The following ZSWIM5 variants were observed in gnomAD, a reference collection of about 807,000 sequenced individuals.
The protein encoded by ZSWIM5 is zinc finger SWIM domain-containing protein 5.
Under a neutral mutation model 119.6 loss-of-function variants are expected in ZSWIM5, and 55 were observed. The observed-to-expected ratio is 0.46, with a 90% CI of 0.37 to 0.58. The LOEUF (loss-of-function observed/expected upper bound fraction) is 0.58. Among genes scored for constraint, ZSWIM5 ranks in the 20% least tolerant of loss-of-function variants. ZSWIM5 has a pLI of 0.00. For synonymous variants in ZSWIM5, 537 were observed against 606.9 expected, an observed-to-expected ratio of 0.88 and a Z score of 1.69; for missense variants, 1,193 against 1,512.8, an observed-to-expected ratio of 0.79 and a Z score of 3.51.
chr1:45,078,659 G>A (rs1645269953), intron 2 of ZSWIM5, among the ~76,000 whole-genome samples: 1 of 152,150 alleles, frequency 6.6e-6, no homozygotes, highest in African/African-American at 2.4e-5. Context: ...CCCAAGGTTT[G>A]CTGTAACCAC....
chr1:45,019,046 T>G lies in ZSWIM5; in HGVS notation c.2966A>C (p.Asp989Ala), dbSNP rs773217578. Residue 989 changes from aspartate (D) to alanine (A), a missense_variant, in exon 14 of 14, where the codon GAT (aspartate) becomes GCT (alanine). Physicochemically the swap from Asp to Ala is moderately radical, Grantham distance 126. Transcript: ENST00000359600. This position sits in a 1 kb window ranked among gnomAD's most constrained non-coding sequence, Gnocchi z 5.0. ...AFEAAYQIAI[D>A]AAAGGMTHSQ... ...ATGGGTCATACCACCAGCAGCAGCA[T>G]CAATGGCAATCTGGTAGGCTGCCTC... 2 of 1,614,210 alleles carry G rather than the reference T, an allele frequency of 1.2e-6. No homozygotes were observed. Among genetic ancestry groups the G allele is most frequent in the Non-Finnish European group, 1.7e-6 (2 of 1,180,032 alleles).
At chr1:45,107,483 T>A (rs1645488450) in intron 1 of ZSWIM5, among the ~76,000 whole-genome samples, 1 of 150,760 alleles carries the variant, frequency 6.6e-6, no homozygotes, top group Admixed American at 6.6e-5. Context: ...CTAAAAAAAA[T>A]ACAAAAAAAT....
chr1:45,122,105 TAGTTTTAAATAATATC>T (rs1557772565), intron 1 of ZSWIM5, among the ~76,000 whole-genome samples: 3 of 152,214 alleles, frequency 2.0e-5, no homozygotes, highest in Non-Finnish European at 4.4e-5. Flanking sequence ...ACTTATTTAA[TAGTTTTAAATAATATC>T]AGTATATTGA....
rs562128362 is a variant in ZSWIM5, at chr1:45,165,058, A to G, written c.595+40698T>C. ...ACACTTATTCCAAAATTGACCACATAGTTGGAAGTAAAGCACTCCTCAGCA... is the reference window on the plus strand; with the variant it reads ...ACACTTATTCCAAAATTGACCACATGGTTGGAAGTAAAGCACTCCTCAGCA... On this transcript the variant is annotated intron_variant, in intron 1 of 13. Transcript: ENST00000359600. Among the ~76,000 whole-genome samples, 400 of 152,266 alleles carry G rather than the reference A, an allele frequency of 2.6e-3. 4 individuals carry two copies. The highest frequency in any genetic ancestry group is 9.2e-3 in the African/African-American group (382 of 41,570).
intron 2 of ZSWIM5, among the ~76,000 whole-genome samples, chr1:45,080,244 T>A (rs1243797470): frequency 6.6e-6 from 1 of 152,204 alleles, no homozygotes; most frequent in Admixed American, 6.5e-5. Flanking sequence ...CTTTCGAGTT[T>A]ATTTAAGGCC....
At chr1:45,109,191 C>A (rs971238450) in intron 1 of ZSWIM5, among the ~76,000 whole-genome samples, 1 of 152,168 alleles carries the variant, frequency 6.6e-6, no homozygotes, top group Non-Finnish European at 1.5e-5. Flanking sequence ...TCTACAGTAA[C>A]CTGATTCCAT....
chr1:45,116,284 G>C (rs1645557670), intron 1 of ZSWIM5, among the ~76,000 whole-genome samples: 1 of 152,148 alleles, frequency 6.6e-6, no homozygotes, highest in Non-Finnish European at 1.5e-5. Context: ...CAATTCCCCA[G>C]ACTTTTCTCC....
chr1:45,104,886 T>C (rs1202071059), intron 1 of ZSWIM5, among the ~76,000 whole-genome samples: 1 of 152,182 alleles, frequency 6.6e-6, no homozygotes, highest in Non-Finnish European at 1.5e-5. Flanking sequence ...AAACCACAGT[T>C]CAAGAACAAT....
chr1:45,177,586 A>C (rs1421795529), intron 1 of ZSWIM5, among the ~76,000 whole-genome samples: 2 of 152,082 alleles, frequency 1.3e-5, no homozygotes, highest in East Asian at 3.9e-4. Flanking sequence ...ATAAAAGGGG[A>C]TTCTCTCTGC....
chr1:45,096,300 C>A (rs1377854473), intron 1 of ZSWIM5, among the ~76,000 whole-genome samples: 1 of 151,712 alleles, frequency 6.6e-6, no homozygotes, highest in African/African-American at 2.4e-5. Context: ...CGCACACATA[C>A]ACACACACAC....
At chr1:45,035,905 T>C in intron 9 of ZSWIM5, 82 bp from the exon 10 acceptor site, 2 of 1,585,460 alleles carry the variant, frequency 1.3e-6, no homozygotes, top group Admixed American at 1.8e-5. Flanking sequence ...ATCTCATGCA[T>C]GTTTGCTAAT....
chr1:45,120,357 A>G (rs1040685761), intron 1 of ZSWIM5, among the ~76,000 whole-genome samples: 13 of 152,128 alleles, frequency 8.5e-5, no homozygotes, highest in African/African-American at 3.1e-4. Context: ...ACCACACAAC[A>G]CTGCAAATTG....
intron 1 of ZSWIM5, among the ~76,000 whole-genome samples, chr1:45,153,093 T>TAAAAAAA (rs76324771): frequency 8.3e-4 from 88 of 105,518 alleles, no homozygotes; most frequent in East Asian, 1.9e-3. Flanking sequence ...ATTAAAAAGT[T>TAAAAAAA]AAAAAAAAAA....
intron 1 of ZSWIM5, among the ~76,000 whole-genome samples, chr1:45,105,716 G>C (rs116738419): frequency 3.7e-5 from 5 of 136,150 alleles, no homozygotes; most frequent in Admixed American, 7.6e-5. Context: ...GGCTGCCCCC[G>C]TCGGGGAAGT....
intron 8 of ZSWIM5, among the ~76,000 whole-genome samples, chr1:45,037,262 C>A (rs1644990973): frequency 6.6e-6 from 1 of 151,854 alleles, no homozygotes; most frequent in African/African-American, 2.4e-5. Flanking sequence ...AGGCACACAC[C>A]ACCACACCCA....
At chr1:45,078,137 A>G (rs1301993114) in intron 2 of ZSWIM5, among the ~76,000 whole-genome samples, 1 of 152,236 alleles carries the variant, frequency 6.6e-6, no homozygotes, top group Non-Finnish European at 1.5e-5. Flanking sequence ...ATAAGTGTCC[A>G]TGAAATCTTT....
chr1:45,092,549 C>CCT (rs1553193697), intron 1 of ZSWIM5, among the ~76,000 whole-genome samples: 2 of 117,564 alleles, frequency 1.7e-5, no homozygotes, highest in Admixed American at 8.0e-5. Flanking sequence ...CCCCCCCCCC[C>CCT]CCGCCAGCCT....
Position 45,018,400 on chromosome 1 carries a change from G to A in ZSWIM5, c.*54C>T. ...ACAAATGTTTCAGTGCCCTTGGCCT[G>A]ACCTGATACTACCTGGGAACCCAGG... On this transcript the variant is annotated 3_prime_UTR_variant, in exon 14 of 14. Coordinates refer to ENST00000359600, the MANE Select transcript of ZSWIM5 (RefSeq NM_020883.2). This position sits in a 1 kb window ranked among gnomAD's most constrained non-coding sequence, Gnocchi z 6.7. The A allele has an allele frequency of 6.3e-7, 1 of 1,581,908 alleles. No individual in the cohort carries two copies. Among genetic ancestry groups the A allele is most frequent in the Non-Finnish European group, 8.6e-7 (1 of 1,164,292 alleles).
intron 2 of ZSWIM5, among the ~76,000 whole-genome samples, chr1:45,071,479 A>C (rs1225363623): frequency 4.6e-5 from 1 of 21,724 alleles, no homozygotes; most frequent in Non-Finnish European, 8.8e-5. Flanking sequence ...TTTTTGAGAT[A>C]GGGTCTCACT....
Sources: allele counts gnomAD v4.1 joint callset (sites outside exome capture counted in the v4.1 genomes callset), GRCh38; gene constraint gnomAD v4.1.1; non-coding constraint Gnocchi (gnomAD v3.1); transcripts MANE v1.5; gene names NCBI Gene and HGNC (gene_info 2026-07-23, HGNC 2026-07-21).